Variants in SEMA3A observed in about 807,000 individuals in gnomAD.
The protein encoded by SEMA3A is semaphorin 3A.
SEMA3A carries 29 observed loss-of-function variants against 97.9 expected under a neutral mutation model. That is an observed-to-expected ratio of 0.30 (90% CI 0.22 to 0.40). The LOEUF (loss-of-function observed/expected upper bound fraction) is 0.40. SEMA3A is among the 10% of genes least tolerant of loss of function. SEMA3A has a pLI of 1.00. For synonymous variants in SEMA3A, 321 were observed against 323.7 expected (o/e 0.99, Z 0.09); for missense variants, 763 against 951.3 (o/e 0.80, Z 2.60).
intron 1 of SEMA3A, among the ~76,000 whole-genome samples, chr7:84,382,005 G>A (rs775323223): frequency 7.9e-5 from 12 of 152,178 alleles, no homozygotes; most frequent in Non-Finnish European, 1.5e-4. Flanking sequence ...TTGTGCAGCA[G>A]TTGAGGCAAT....
intron 4 of SEMA3A, among the ~76,000 whole-genome samples, chr7:84,063,057 C>T (rs1429301715): frequency 5.3e-5 from 8 of 151,966 alleles, no homozygotes; most frequent in East Asian, 2.0e-4. Flanking sequence ...TCTCCCAGCA[C>T]GCCGCTGGAG....
chr7:84,035,787 T>C (rs1361927669), intron 6 of SEMA3A, among the ~76,000 whole-genome samples: 1 of 152,074 alleles, frequency 6.6e-6, no homozygotes, highest in East Asian at 1.9e-4. Context: ...TACTTCTTTC[T>C]AAACACCAAT....
At chr7:84,309,556 G>A (rs574326308) in intron 2 of SEMA3A, among the ~76,000 whole-genome samples, 1 of 152,206 alleles carries the variant, frequency 6.6e-6, no homozygotes, top group African/African-American at 2.4e-5. Context: ...TCTACTGATG[G>A]ACCCTTCTGG....
intron 2 of SEMA3A, among the ~76,000 whole-genome samples, chr7:84,355,881 C>T (rs1259555336): frequency 6.6e-6 from 1 of 151,768 alleles, no homozygotes; most frequent in South Asian, 2.1e-4. Flanking sequence ...TATTCCTTGG[C>T]CAATAAAATG....
At chr7:84,409,328 C>T (rs1804197634) in intron 1 of SEMA3A, among the ~76,000 whole-genome samples, 1 of 151,298 alleles carries the variant, frequency 6.6e-6, no homozygotes, top group Admixed American at 6.6e-5. Flanking sequence ...TATTATGAAT[C>T]AATTTTTTAA....
intron 3 of SEMA3A, among the ~76,000 whole-genome samples, chr7:84,216,980 C>T (rs142065350): frequency 8.5e-4 from 130 of 152,190 alleles, no homozygotes; most frequent in African/African-American, 2.8e-3. Context: ...TGAATAGCAG[C>T]GGATATGCGA....
intron 3 of SEMA3A, among the ~76,000 whole-genome samples, chr7:84,233,750 A>C (rs1413860386): frequency 1.3e-5 from 2 of 151,994 alleles, no homozygotes; most frequent in East Asian, 3.8e-4. Flanking sequence ...TGACTAAATC[A>C]AAAGAAAAAA....
At chr7:84,465,758 A>T (rs1432329021) in intron 1 of SEMA3A, among the ~76,000 whole-genome samples, 3 of 152,084 alleles carry the variant, frequency 2.0e-5, no homozygotes, top group African/African-American at 7.2e-5. Flanking sequence ...TACCTCCTAA[A>T]TATCTACCAA....
intron 1 of SEMA3A, among the ~76,000 whole-genome samples, chr7:84,373,402 A>G (rs2116109573): frequency 6.6e-6 from 1 of 152,304 alleles, no homozygotes; most frequent in East Asian, 1.9e-4. Flanking sequence ...TCTCTTAGGA[A>G]ATGTCCGCAG....
intron 1 of SEMA3A, among the ~76,000 whole-genome samples, chr7:84,415,033 C>A (rs1268161199): frequency 6.6e-6 from 1 of 151,922 alleles, no homozygotes; most frequent in Non-Finnish European, 1.5e-5. Flanking sequence ...AAGATATTAA[C>A]CAATCCAAAG....
In SEMA3A at chr7:84,312,826, C is replaced by T. The variant is rs952748652; in HGVS notation, c.-168-5534G>A. On this transcript the variant is annotated intron_variant, in intron 2 of 3. Coordinates refer to the SEMA3A transcript ENST00000424555. ...GTGCCCAAGTGTTCAGTACTACCAACGTTTCTGGAGTCCCTATTTCTTTCA... is the reference window on the plus strand; with the variant it reads ...GTGCCCAAGTGTTCAGTACTACCAATGTTTCTGGAGTCCCTATTTCTTTCA... 7.5e-4 allele frequency among the ~76,000 whole-genome samples: 101 copies of T among 134,146 alleles called. 1 individual carries two copies. Among genetic ancestry groups the T allele is most frequent in the African/African-American group, 2.6e-3 (93 of 35,652 alleles). The allele number at this position is 134,146 out of a possible 152,430, so 88.0% of individuals were successfully genotyped here.
At chr7:84,341,811 T>G (rs1802178770) in intron 2 of SEMA3A, among the ~76,000 whole-genome samples, 1 of 152,138 alleles carries the variant, frequency 6.6e-6, no homozygotes, top group African/African-American at 2.4e-5. Flanking sequence ...CCCCAGGATG[T>G]TCCACCTTTC....
chr7:84,120,282 ATAAACT>A (rs746309694), intron 3 of SEMA3A, among the ~76,000 whole-genome samples: 3 of 152,300 alleles, frequency 2.0e-5, no homozygotes, highest in Non-Finnish European at 4.4e-5. Context: ...AATTTCTGAA[ATAAACT>A]TAATGACAAA....
intron 3 of SEMA3A, among the ~76,000 whole-genome samples, chr7:84,254,379 G>C (rs1799670987): frequency 6.6e-6 from 1 of 152,176 alleles, no homozygotes; most frequent in Admixed American, 6.5e-5. Context: ...GGTTGCTAAA[G>C]TTTTCAGCAA....
intron 1 of SEMA3A, among the ~76,000 whole-genome samples, chr7:84,442,601 G>T (rs1166427614): frequency 6.6e-6 from 1 of 152,090 alleles, no homozygotes; most frequent in Middle Eastern, 3.4e-3. Flanking sequence ...TAAAATAGCA[G>T]AAATCTTTCC....
chr7:84,463,127 ATC>A (rs1805895587), intron 1 of SEMA3A, among the ~76,000 whole-genome samples: 2 of 150,902 alleles, frequency 1.3e-5, no homozygotes, highest in Admixed American at 6.6e-5. Flanking sequence ...ATTTTTTAAT[ATC>A]TCTCTTTCCT....
At chr7:84,087,362 T>C (rs954686655) in intron 4 of SEMA3A, among the ~76,000 whole-genome samples, 3 of 152,204 alleles carry the variant, frequency 2.0e-5, no homozygotes, top group African/African-American at 7.2e-5. Flanking sequence ...AATAACTTAA[T>C]TGGCATAGTG....
At chr7:84,026,522 T>A (rs1021274073) in intron 6 of SEMA3A, among the ~76,000 whole-genome samples, 5 of 152,210 alleles carry the variant, frequency 3.3e-5, no homozygotes, top group Non-Finnish European at 5.9e-5. Flanking sequence ...TATAAATCAT[T>A]GTACCATAAA....
chr7:84,375,201 G>T (rs1056311062), intron 1 of SEMA3A, among the ~76,000 whole-genome samples: 1 of 151,920 alleles, frequency 6.6e-6, no homozygotes, highest in Non-Finnish European at 1.5e-5. Flanking sequence ...TGTATTTTTA[G>T]TAGAGATGAG....
Sources: allele counts gnomAD v4.1 joint callset (sites outside exome capture counted in the v4.1 genomes callset), GRCh38; gene constraint gnomAD v4.1.1; transcripts MANE v1.5; gene names NCBI Gene and HGNC (gene_info 2026-07-23, HGNC 2026-07-21).